The following MAGI1 variants were observed in gnomAD, a reference collection of about 807,000 sequenced individuals.
MAGI1 encodes membrane-associated guanylate kinase, WW and PDZ domain-containing protein 1.
A neutral mutation model predicts 139.9 loss-of-function variants in MAGI1; 58 were observed. The ratio of observed to expected loss-of-function variants is 0.41; its 90% confidence interval spans 0.34 to 0.52. MAGI1 has a LOEUF of 0.52. MAGI1 is among the 20% of genes least tolerant of loss of function. The pLI, the probability that MAGI1 is intolerant of heterozygous loss-of-function variation, is 0.12. For missense variants in MAGI1, 1,874 were observed against 1,901.6 expected, an observed-to-expected ratio of 0.99 and a Z score of 0.27; for synonymous variants, 812 against 737.9, an observed-to-expected ratio of 1.10 and a Z score of -1.63.
intron 1 of MAGI1, among the ~76,000 whole-genome samples, chr3:65,775,889 C>T (rs756959815): frequency 6.6e-6 from 1 of 151,560 alleles, no homozygotes; most frequent in Non-Finnish European, 1.5e-5. Context: ...CTGCACTGAG[C>T]CATGATCACA....
intron 12 of MAGI1, among the ~76,000 whole-genome samples, chr3:65,416,038 T>C (rs1946191385): frequency 6.6e-6 from 1 of 152,216 alleles, no homozygotes; most frequent in Non-Finnish European, 1.5e-5. Flanking sequence ...CTACACAGAA[T>C]GCAAGCCATT....
intron 1 of MAGI1, among the ~76,000 whole-genome samples, chr3:65,826,763 C>G (rs1264005492): frequency 6.9e-6 from 1 of 144,524 alleles, no homozygotes; most frequent in Admixed American, 6.7e-5. Flanking sequence ...CTCCATAAAC[C>G]CTTTGTAGTG....
chr3:65,467,926 G>C (rs1010791157), intron 5 of MAGI1, among the ~76,000 whole-genome samples: 4 of 152,078 alleles, frequency 2.6e-5, no homozygotes, highest in Non-Finnish European at 5.9e-5. Flanking sequence ...AAACTCCTCA[G>C]AATAACCACA....
At chr3:65,428,452 C>A (rs934342935) in intron 12 of MAGI1, among the ~76,000 whole-genome samples, 7 of 152,144 alleles carry the variant, frequency 4.6e-5, no homozygotes, top group African/African-American at 1.7e-4. Context: ...AAGGAGGAAG[C>A]TTAATGCCTC....
At chr3:65,407,379 G>A (rs1945425876) in intron 12 of MAGI1, among the ~76,000 whole-genome samples, 1 of 151,534 alleles carries the variant, frequency 6.6e-6, no homozygotes, top group African/African-American at 2.4e-5. Flanking sequence ...CCTGGGAGGC[G>A]GAGGCTGCAG....
chr3:65,618,067 C>T (rs1054402337), intron 2 of MAGI1, among the ~76,000 whole-genome samples: 3 of 152,150 alleles, frequency 2.0e-5, no homozygotes, highest in African/African-American at 7.2e-5. Context: ...GAGGAAGTGG[C>T]ATCTGGCTAA....
chr3:65,632,517 TAAAG>T (rs1041168113), intron 1 of MAGI1, among the ~76,000 whole-genome samples: 6 of 152,176 alleles, frequency 3.9e-5, no homozygotes, highest in Admixed American at 6.5e-5. Flanking sequence ...AATACACAAA[TAAAG>T]AACATTCAGT....
chr3:65,785,697 A>G (rs1577110240), intron 1 of MAGI1, among the ~76,000 whole-genome samples: 1 of 152,218 alleles, frequency 6.6e-6, no homozygotes, highest in East Asian at 1.9e-4. Flanking sequence ...AATATTTATT[A>G]AATGAATGAG....
intron 1 of MAGI1, among the ~76,000 whole-genome samples, chr3:65,817,129 G>A (rs1197036581): frequency 3.3e-5 from 5 of 151,976 alleles, no homozygotes; most frequent in East Asian, 1.9e-4. Flanking sequence ...CCTGTGTACC[G>A]AGCTATTATA....
At chr3:66,024,657 T>C (rs2068145915) in intron 1 of MAGI1, among the ~76,000 whole-genome samples, 1 of 151,966 alleles carries the variant, frequency 6.6e-6, no homozygotes, top group African/African-American at 2.4e-5. Flanking sequence ...AAATACAAAA[T>C]TAGCTGGGTG....
At chr3:65,927,185 A>T (rs1244533971) in intron 1 of MAGI1, among the ~76,000 whole-genome samples, 2 of 152,148 alleles carry the variant, frequency 1.3e-5, no homozygotes, top group South Asian at 4.1e-4. Context: ...TTACTTTCTT[A>T]ATAAACTTCC....
At chr3:65,675,379 T>A (rs545546719) in intron 1 of MAGI1, among the ~76,000 whole-genome samples, 36 of 152,158 alleles carry the variant, frequency 2.4e-4, no homozygotes, top group Non-Finnish European at 4.3e-4. Context: ...AATCTCAAAG[T>A]AATTTCTGCC....
At chr3:65,845,417 T>A (rs17073946) in intron 1 of MAGI1, among the ~76,000 whole-genome samples, 1 of 151,906 alleles carries the variant, frequency 6.6e-6, no homozygotes, top group East Asian at 1.9e-4. Context: ...AGTTTCACCA[T>A]CTTTATCCAA....
intron 1 of MAGI1, among the ~76,000 whole-genome samples, chr3:65,818,833 G>A (rs1474587898): frequency 2.0e-5 from 3 of 152,166 alleles, no homozygotes; most frequent in Non-Finnish European, 4.4e-5. Flanking sequence ...CGTGCAGGAA[G>A]CCAGAATGCA....
At chr3:65,707,601 G>A (rs1005793260) in intron 1 of MAGI1, among the ~76,000 whole-genome samples, 9 of 148,136 alleles carry the variant, frequency 6.1e-5, no homozygotes, top group Non-Finnish European at 1.2e-4. Flanking sequence ...GAGGTGGGAG[G>A]ACTGCTTAAA....
At chr3:65,896,014 G>A (rs1352508141) in intron 1 of MAGI1, among the ~76,000 whole-genome samples, 1 of 152,116 alleles carries the variant, frequency 6.6e-6, no homozygotes, top group Non-Finnish European at 1.5e-5. Flanking sequence ...CACTACCATT[G>A]CATCTCTGTA....
At chr3:65,775,653 G>A (rs1383537404) in intron 1 of MAGI1, among the ~76,000 whole-genome samples, 2 of 151,764 alleles carry the variant, frequency 1.3e-5, no homozygotes, top group Non-Finnish European at 2.9e-5. Flanking sequence ...TTTAACAGTG[G>A]TTTCTGGTCA....
intron 1 of MAGI1, among the ~76,000 whole-genome samples, chr3:65,783,792 C>G (rs1414736529): frequency 2.4e-5 from 3 of 127,284 alleles, no homozygotes; most frequent in South Asian, 3.0e-4. Context: ...GCCACCACAC[C>G]CAGCCTGTAC....
chr3:65,451,888 T>G (rs981424071), intron 6 of MAGI1, among the ~76,000 whole-genome samples: 3 of 152,182 alleles, frequency 2.0e-5, no homozygotes, highest in Admixed American at 6.5e-5. Flanking sequence ...GCTCAAGTGA[T>G]CCTCCTGCCT....
Sources: allele counts gnomAD v4.1 joint callset (sites outside exome capture counted in the v4.1 genomes callset), GRCh38; gene constraint gnomAD v4.1.1; transcripts MANE v1.5; gene names NCBI Gene and HGNC (gene_info 2026-07-23, HGNC 2026-07-21).